The following HS6ST3 variants were observed in gnomAD, a reference collection of about 807,000 sequenced individuals.
The protein encoded by HS6ST3 is heparan-sulfate 6-O-sulfotransferase 3.
HS6ST3 carries 12 observed loss-of-function variants against 36.7 expected under a neutral mutation model. The ratio of observed to expected loss-of-function variants is 0.33; its 90% confidence interval spans 0.21 to 0.53. HS6ST3 has a LOEUF of 0.53. HS6ST3 is among the 20% of genes least tolerant of loss of function. The pLI is 0.95. For synonymous variants in HS6ST3, 240 were observed against 257.5 expected, an observed-to-expected ratio of 0.93 and a Z score of 0.65; for missense variants, 584 against 640.9, an observed-to-expected ratio of 0.91 and a Z score of 0.96.
At chr13:96,221,269 C>A (rs979571063) in intron 1 of HS6ST3, among the ~76,000 whole-genome samples, 1 of 152,132 alleles carries the variant, frequency 6.6e-6, no homozygotes, top group Admixed American at 6.5e-5. Flanking sequence ...GTACATATGA[C>A]TATTATTCAA....
chr13:96,363,479 A>G (rs1226553073), intron 1 of HS6ST3, among the ~76,000 whole-genome samples: 1 of 152,202 alleles, frequency 6.6e-6, no homozygotes, highest in African/African-American at 2.4e-5. Flanking sequence ...TTTGGCAGGC[A>G]GCTAACTTTC....
intron 1 of HS6ST3, among the ~76,000 whole-genome samples, chr13:96,585,431 G>A (rs902154771): frequency 6.6e-6 from 1 of 152,102 alleles, no homozygotes; most frequent in African/African-American, 2.4e-5. Context: ...AAATGACTAA[G>A]TAGCTAATTA....
intron 1 of HS6ST3, among the ~76,000 whole-genome samples, chr13:96,656,990 T>TGA (rs2056627691): frequency 7.2e-6 from 1 of 138,996 alleles, no homozygotes; most frequent in African/African-American, 2.7e-5. Flanking sequence ...TGTGTGTGTG[T>TGA]GTGTGTGTGA....
chr13:96,444,741 G>A (rs541569948), intron 1 of HS6ST3, among the ~76,000 whole-genome samples: 9 of 152,150 alleles, frequency 5.9e-5, no homozygotes, highest in South Asian at 2.1e-4. Context: ...ATACAATTAC[G>A]TGGTATATAA....
intron 1 of HS6ST3, among the ~76,000 whole-genome samples, chr13:96,621,373 G>A (rs2056494432): frequency 6.6e-6 from 1 of 152,134 alleles, no homozygotes; most frequent in African/African-American, 2.4e-5. Context: ...TTTTTAAAAT[G>A]GCAGTTTTTT....
intron 1 of HS6ST3, among the ~76,000 whole-genome samples, chr13:96,184,406 G>A (rs1043220959): frequency 1.3e-5 from 2 of 151,874 alleles, no homozygotes; most frequent in Admixed American, 6.6e-5. Context: ...TCAGCTACTC[G>A]AATGTAAAGT....
intron 1 of HS6ST3, among the ~76,000 whole-genome samples, chr13:96,572,746 G>T (rs2056305299): frequency 6.6e-6 from 1 of 152,090 alleles, no homozygotes; most frequent in Non-Finnish European, 1.5e-5. Flanking sequence ...TGTTGGTGCT[G>T]CCTGGGTCTC....
chr13:96,577,522 A>AT (rs1316175698), intron 1 of HS6ST3, among the ~76,000 whole-genome samples: 1 of 152,190 alleles, frequency 6.6e-6, no homozygotes, highest in African/African-American at 2.4e-5. Flanking sequence ...TCCTTTGGAT[A>AT]TATATATACC....
At chr13:96,697,852 C>A (rs1405212920) in intron 1 of HS6ST3, among the ~76,000 whole-genome samples, 3 of 151,990 alleles carry the variant, frequency 2.0e-5, no homozygotes, top group African/African-American at 7.2e-5. Flanking sequence ...GGTACAATGC[C>A]TTTTTGAAGA....
intron 1 of HS6ST3, among the ~76,000 whole-genome samples, chr13:96,118,116 C>T (rs373190711): frequency 6.6e-6 from 1 of 151,880 alleles, no homozygotes; most frequent in Non-Finnish European, 1.5e-5. Context: ...AAGTGATCCA[C>T]CCACATTGGC....
chr13:96,635,581 T>C (rs184123971), intron 1 of HS6ST3, among the ~76,000 whole-genome samples: 116 of 152,320 alleles, frequency 7.6e-4, no homozygotes, highest in African/African-American at 2.6e-3. Context: ...ACCTTGGGCA[T>C]AGCTCTATAT....
At chr13:96,751,467 G>A (rs545641012) in intron 1 of HS6ST3, among the ~76,000 whole-genome samples, 55 of 152,158 alleles carry the variant, frequency 3.6e-4, no homozygotes, top group Non-Finnish European at 6.8e-4. Context: ...TGGAGGGAGC[G>A]CAAACTCAAT....
At chr13:96,807,308 T>A (rs1878217946) in intron 1 of HS6ST3, among the ~76,000 whole-genome samples, 1 of 152,210 alleles carries the variant, frequency 6.6e-6, no homozygotes, top group Non-Finnish European at 1.5e-5. Flanking sequence ...TAAAAATTCA[T>A]ATCTTGAATT....
At chr13:96,461,802 A>AT (rs1220651555) in intron 1 of HS6ST3, among the ~76,000 whole-genome samples, 1 of 152,184 alleles carries the variant, frequency 6.6e-6, no homozygotes, top group African/African-American at 2.4e-5. Flanking sequence ...ACAGACAGCA[A>AT]TTCCAAATTC....
intron 1 of HS6ST3, among the ~76,000 whole-genome samples, chr13:96,460,476 A>ATATATTTAG (rs1289345597): frequency 1.3e-5 from 2 of 152,158 alleles, no homozygotes; most frequent in Non-Finnish European, 2.9e-5. Context: ...TGTTTGGTAC[A>ATATATTTAG]TATATTTAGT....
intron 1 of HS6ST3, among the ~76,000 whole-genome samples, chr13:96,504,014 A>G (rs1430300027): frequency 6.6e-6 from 1 of 152,086 alleles, no homozygotes; most frequent in Non-Finnish European, 1.5e-5. Context: ...TCTTATAAGG[A>G]CACTAATCCC....
chr13:96,453,019 C>T (rs1311300776), intron 1 of HS6ST3, among the ~76,000 whole-genome samples: 1 of 151,936 alleles, frequency 6.6e-6, no homozygotes, highest in Admixed American at 6.6e-5. Flanking sequence ...CCCTCTACCT[C>T]CAAGTCCCAT....
At chr13:96,753,133 T>C (rs952349937) in intron 1 of HS6ST3, among the ~76,000 whole-genome samples, 3 of 152,248 alleles carry the variant, frequency 2.0e-5, no homozygotes, top group Non-Finnish European at 4.4e-5. Context: ...AATACAACAA[T>C]GTTTTAATTG....
At chr13:96,166,563 C>T (rs1326002745) in intron 1 of HS6ST3, among the ~76,000 whole-genome samples, 1 of 144,024 alleles carries the variant, frequency 6.9e-6, no homozygotes, top group Non-Finnish European at 1.5e-5. Context: ...GCTTTTCTTT[C>T]TTTCTTTCTT....
Sources: gnomAD v4.1 joint callset for allele counts (sites outside exome capture counted in the v4.1 genomes callset) on GRCh38, gnomAD v4.1.1 for gene constraint, MANE v1.5 for transcripts, NCBI Gene and HGNC (gene_info 2026-07-23, HGNC 2026-07-21) for gene names.